Variants in CHRM3 observed in about 807,000 individuals in gnomAD.
CHRM3 encodes muscarinic acetylcholine receptor M3.
CHRM3 carries 11 observed loss-of-function variants against 41.8 expected under a neutral mutation model. The observed-to-expected ratio is 0.26, with a 90% CI of 0.17 to 0.44. The LOEUF (loss-of-function observed/expected upper bound fraction) is 0.44. CHRM3 is among the 20% of genes least tolerant of loss of function. The pLI is 1.00. For missense variants in CHRM3, 571 were observed against 745.4 expected (o/e 0.77, Z 2.72); for synonymous variants, 297 against 301.4 (o/e 0.99, Z 0.15).
In CHRM3 at chr1:239,395,519, T is replaced by A. The variant is rs1000741691; in HGVS notation, c.-521+8292T>A. On this transcript the variant is annotated intron_variant, in intron 1 of 6. Transcript: ENST00000676153. ...ATTCTAATGATTCAACCAAGTAAGA[T>A]CTCAACCTTCTTGGCTACTTTCCCC... Among the ~76,000 whole-genome samples the A allele has an allele frequency of 2.6e-5, 4 of 152,174 alleles. No individual in the cohort carries two copies. In the East Asian group the frequency reaches 7.7e-4, roughly 29 times the overall value.
At chr1:239,887,685 T>C (rs960996181) in intron 6 of CHRM3, among the ~76,000 whole-genome samples, 8 of 152,234 alleles carry the variant, frequency 5.3e-5, no homozygotes, top group East Asian at 1.9e-4. Flanking sequence ...CTTCTAAGTA[T>C]ATGAATATGC....
intron 6 of CHRM3, among the ~76,000 whole-genome samples, chr1:239,840,677 T>G (rs1673723658): frequency 6.6e-6 from 1 of 152,204 alleles, no homozygotes; most frequent in Admixed American, 6.5e-5. Context: ...AAGATCTCAT[T>G]TTAAAAGCCA....
intron 1 of CHRM3, among the ~76,000 whole-genome samples, chr1:239,393,669 T>C (rs1342151672): frequency 3.3e-5 from 5 of 152,224 alleles, no homozygotes. Flanking sequence ...CTAATTATTT[T>C]AAATCCCTTG....
intron 5 of CHRM3, among the ~76,000 whole-genome samples, chr1:239,747,080 C>T (rs560988637): frequency 8.6e-5 from 13 of 151,982 alleles, no homozygotes; most frequent in African/African-American, 2.2e-4. Context: ...AATCCATTAA[C>T]GAGATATTTG....
chr1:239,504,322 C>T (rs1038400641), intron 2 of CHRM3, among the ~76,000 whole-genome samples: 1 of 152,142 alleles, frequency 6.6e-6, no homozygotes, highest in African/African-American at 2.4e-5. Context: ...AAATACTCAA[C>T]ATCACTAAGA....
chr1:239,451,255 A>G (rs1380013127), intron 1 of CHRM3, among the ~76,000 whole-genome samples: 1 of 152,166 alleles, frequency 6.6e-6, no homozygotes, highest in African/African-American at 2.4e-5. Context: ...TGAACCAACC[A>G]CACTATAGTA....
chr1:239,594,088 T>G (rs192515250), intron 3 of CHRM3, among the ~76,000 whole-genome samples: 2 of 152,334 alleles, frequency 1.3e-5, no homozygotes, highest in Non-Finnish European at 2.9e-5. Context: ...TTTTGTTAGG[T>G]AGAAATTATT....
chr1:239,740,944 TTTG>T (rs1664795739), intron 5 of CHRM3, among the ~76,000 whole-genome samples: 1 of 152,216 alleles, frequency 6.6e-6, no homozygotes, highest in Non-Finnish European at 1.5e-5. Context: ...AATGGTATTT[TTTG>T]AATGATTCTC....
chr1:239,840,323 C>T (rs1181244107), intron 6 of CHRM3, among the ~76,000 whole-genome samples: 2 of 152,160 alleles, frequency 1.3e-5, no homozygotes, highest in African/African-American at 4.8e-5. Context: ...GATTTCTATG[C>T]CCCATAACTC....
intron 1 of CHRM3, among the ~76,000 whole-genome samples, chr1:239,430,386 G>C (rs1446004095): frequency 2.0e-5 from 3 of 151,972 alleles, no homozygotes; most frequent in East Asian, 1.9e-4. Flanking sequence ...GCCCAAAACA[G>C]ATACAGTTTT....
At chr1:239,435,454 AT>A (rs778401190) in intron 1 of CHRM3, among the ~76,000 whole-genome samples, 13 of 138,476 alleles carry the variant, frequency 9.4e-5, no homozygotes, top group African/African-American at 1.6e-4. Flanking sequence ...CTCTCATAAA[AT>A]TTAAAAAAAA....
At chr1:239,667,101 C>T (rs912664103) in intron 4 of CHRM3, among the ~76,000 whole-genome samples, 8 of 152,088 alleles carry the variant, frequency 5.3e-5, no homozygotes, top group Non-Finnish European at 7.4e-5. Flanking sequence ...TTTATATTTT[C>T]ATTTTTAATG....
At chr1:239,532,009 C>CTTTTTTTTTTTTTTTTTTTTTTTTGT (rs34798101) in intron 2 of CHRM3, among the ~76,000 whole-genome samples, 1 of 76,292 alleles carries the variant, frequency 1.3e-5, no homozygotes, top group Non-Finnish European at 2.3e-5. Context: ...TTCCTTCTTT[C>CTTTTTTTTTTTTTTTTTTTTTTTTGT]TTTTTTTTTT....
rs374758336 is a variant in CHRM3, at chr1:239,894,322, C to T, written c.-19-13111C>T. Among the ~76,000 whole-genome samples the T allele has an allele frequency of 3.3e-4, 51 of 152,314 alleles. 1 individual carries two copies. The Middle Eastern group carries it at 0.01, about 30-fold the overall frequency. On this transcript the variant is annotated intron_variant, in intron 6 of 6. Transcript: ENST00000676153. The stretch of plus-strand genomic sequence containing the variant: ...ATATTTAAACAGGGAATGGCACAGG[C>T]GCAAGTGGATGCCTTGTGGTGGCCG...
At chr1:239,443,155 C>T (rs186913724) in intron 1 of CHRM3, among the ~76,000 whole-genome samples, 275 of 152,260 alleles carry the variant, frequency 1.8e-3, no homozygotes, top group South Asian at 0.013. Context: ...ATTGTTCTCA[C>T]ATAAAAATAT....
At chr1:239,587,432 C>T (rs878987801) in intron 3 of CHRM3, among the ~76,000 whole-genome samples, 7 of 152,312 alleles carry the variant, frequency 4.6e-5, no homozygotes, top group South Asian at 2.1e-4. Flanking sequence ...CCTCCCCTCC[C>T]GCTTTGCCTT....
intron 1 of CHRM3, among the ~76,000 whole-genome samples, chr1:239,427,682 T>A (rs536970400): frequency 4.0e-5 from 6 of 151,748 alleles, no homozygotes; most frequent in Admixed American, 3.9e-4. Context: ...GCATGGCAAG[T>A]GGAAAATAAC....
intron 3 of CHRM3, chr1:239,546,129 T>C (rs1325108007): frequency 2.6e-5 from 4 of 152,134 alleles, no homozygotes; most frequent in African/African-American, 7.2e-5. Context: ...TTTGCAACAG[T>C]TTAATTTTAT....
chr1:239,577,142 T>C (rs1662445697), intron 3 of CHRM3, among the ~76,000 whole-genome samples: 1 of 152,176 alleles, frequency 6.6e-6, no homozygotes, highest in Non-Finnish European at 1.5e-5. Flanking sequence ...CTAATAGATT[T>C]CTGACTAGAT....
Sources: gnomAD v4.1 joint callset for allele counts (sites outside exome capture counted in the v4.1 genomes callset) on GRCh38, gnomAD v4.1.1 for gene constraint, MANE v1.5 for transcripts, NCBI Gene and HGNC (gene_info 2026-07-23, HGNC 2026-07-21) for gene names.